Variants in IPO11 observed in about 807,000 individuals in gnomAD.
IPO11 encodes the protein importin 11, also known as importin-11.
IPO11 carries 66 observed loss-of-function variants against 143.2 expected under a neutral mutation model. The ratio of observed to expected loss-of-function variants is 0.46; its 90% confidence interval spans 0.38 to 0.57. The LOEUF (loss-of-function observed/expected upper bound fraction) is 0.57, where lower values mean the gene tolerates loss of function less well. Ranked by LOEUF, IPO11 falls within the 20% of genes least tolerant of loss-of-function variation. IPO11 has a pLI of 0.00. For missense variants in IPO11, 1,026 were observed against 1,141.0 expected, an observed-to-expected ratio of 0.90 and a Z score of 1.45; for synonymous variants, 385 against 377.8, an observed-to-expected ratio of 1.02 and a Z score of -0.22.
chr5:62,416,551 T>C (rs1743300528), intron 1 of IPO11, among the ~76,000 whole-genome samples: 2 of 152,080 alleles, frequency 1.3e-5, no homozygotes, highest in African/African-American at 2.4e-5. Flanking sequence ...CCTCATCTTA[T>C]CTTAATCACC....
chr5:62,583,920 A>C (rs1210196244), intron 27 of IPO11, among the ~76,000 whole-genome samples: 3 of 152,122 alleles, frequency 2.0e-5, no homozygotes, highest in Admixed American at 1.3e-4. Context: ...ATTTATTAAA[A>C]GTTCTTGATT....
intron 28 of IPO11, among the ~76,000 whole-genome samples, chr5:62,593,841 T>C (rs1745119983): frequency 6.6e-6 from 1 of 151,964 alleles, no homozygotes; most frequent in African/African-American, 2.4e-5. Flanking sequence ...TTTCAAAGAG[T>C]GGTTAGACTA....
chr5:62,591,819 G>C (rs1450903193), intron 28 of IPO11, 147 bp downstream of exon 28: 12 of 516,946 alleles, frequency 2.3e-5, no homozygotes, highest in Admixed American at 4.1e-5. Flanking sequence ...TATTTTGCTT[G>C]TAATATTTAT....
chr5:62,566,263 T>C (rs1743935693), intron 27 of IPO11, among the ~76,000 whole-genome samples: 1 of 152,196 alleles, frequency 6.6e-6, no homozygotes, highest in Admixed American at 6.5e-5. Context: ...AAAGCATTCC[T>C]ATTTATCCTC....
chr5:62,434,008 A>G (rs1744081499), intron 1 of IPO11, among the ~76,000 whole-genome samples: 6 of 152,042 alleles, frequency 3.9e-5, no homozygotes, highest in Admixed American at 3.9e-4. Context: ...GTCTATTTTT[A>G]TACCTATATG....
intron 29 of IPO11, among the ~76,000 whole-genome samples, chr5:62,606,480 T>TAAAAAAAAA (rs760722973): frequency 3.6e-5 from 2 of 56,106 alleles, no homozygotes; most frequent in African/African-American, 1.6e-4. Context: ...GACCCTGTCT[T>TAAAAAAAAA]AAAAAAAAAA....
intron 28 of IPO11, among the ~76,000 whole-genome samples, chr5:62,598,147 C>T (rs960973184): frequency 1.3e-5 from 2 of 152,080 alleles, no homozygotes; most frequent in Non-Finnish European, 2.9e-5. Flanking sequence ...AAACATTCTC[C>T]TGCTGAAAGT....
intron 2 of IPO11, 35 bp from the exon 3 acceptor site, chr5:62,442,948 C>T (rs1345827420): frequency 1.7e-6 from 2 of 1,175,078 alleles, no homozygotes; most frequent in Admixed American, 1.9e-5. Flanking sequence ...TTACTTATTC[C>T]ATGCTAATTC....
At chr5:62,459,022 A>G (rs543858995) in intron 5 of IPO11, among the ~76,000 whole-genome samples, 26 of 152,260 alleles carry the variant, frequency 1.7e-4, no homozygotes, top group Non-Finnish European at 3.1e-4. Context: ...ACTCTATGCA[A>G]TCACTTCACG....
At chr5:62,539,498 A>T (rs1221995018) in intron 24 of IPO11, among the ~76,000 whole-genome samples, 1 of 152,114 alleles carries the variant, frequency 6.6e-6, no homozygotes, top group East Asian at 1.9e-4. Context: ...TTTTTAGCTT[A>T]TTAGTTTCTT....
chr5:62,602,000 G>A (rs1199054762), intron 29 of IPO11, 152 bp downstream of exon 29: 1 of 476,174 alleles, frequency 2.1e-6, no homozygotes, highest in Non-Finnish European at 3.8e-6. Context: ...CCCTAAAACA[G>A]ATACATTTTA....
At position 62,627,312 on chromosome 5, in the gene IPO11, A is replaced by T; in HGVS notation, c.2922A>T (p.Gly974=). 6.2e-7 allele frequency: 1 copy of T among 1,612,860 alleles called. No individual in the cohort carries two copies. The highest frequency in any genetic ancestry group is 2.2e-5 in the East Asian group (1 of 44,856). Residue 974 remains glycine (G), a synonymous_variant, in exon 30 of 30, where the codon GGA becomes GGT. Transcript: ENST00000325324. ...IVTQLQEFLQ[G]F ...CCCAGCTACAGGAGTTTTTGCAAGG[A>T]TTCTAAGAGCACATGACATGTGGCT... is the stretch of plus-strand genomic sequence containing the variant.
At position 62,579,304 on chromosome 5, in the gene IPO11, A is replaced by G. The variant is rs1452043500; in HGVS notation, c.2583-12273A>G. ...TGATTTATGATAGTATTATTGGCTG[A>G]TCCTAATTAAAATAGAATACAGAAG... On this transcript the variant is annotated intron_variant, in intron 27 of 29. Coordinates refer to ENST00000325324, the MANE Select transcript of IPO11 (RefSeq NM_016338.5). 6 of 794,858 alleles carry G rather than the reference A, an allele frequency of 7.5e-6. No homozygotes were observed. In the African/African-American group the frequency reaches 1.0e-4, roughly 14 times the overall value. The allele number at this position is 794,858 out of a possible 1,614,324, so 49.2% of individuals were successfully genotyped here.
intron 27 of IPO11, among the ~76,000 whole-genome samples, chr5:62,578,005 A>G (rs1744384477): frequency 6.6e-6 from 1 of 152,126 alleles, no homozygotes; most frequent in Non-Finnish European, 1.5e-5. Flanking sequence ...GATTCTTTAA[A>G]TTCTTGAAAA....
rs561163210 is a variant in IPO11 at position 62,514,441 on chromosome 5, A to G, written c.1783-947A>G. ...CCCGTCCCCACCAAAAAAACACGAA[A>G]ACCAGTCAGGCGTGGCGGCGCACGC... On this transcript the variant is annotated intron_variant, in intron 19 of 29. Transcript: ENST00000325324. 2.6e-4 allele frequency among the ~76,000 whole-genome samples: 39 copies of G among 151,872 alleles called. 1 individual carries two copies. The highest frequency in any genetic ancestry group is 8.7e-4 in the African/African-American group (36 of 41,242).
chr5:62,613,021 A>G (rs1048635857), intron 29 of IPO11, among the ~76,000 whole-genome samples: 1 of 152,218 alleles, frequency 6.6e-6, no homozygotes, highest in Non-Finnish European at 1.5e-5. Flanking sequence ...GGAGTGGTTC[A>G]TGAGTCATCC....
chr5:62,526,509 A>G (rs1015256552), intron 21 of IPO11: 4 of 287,578 alleles, frequency 1.4e-5, no homozygotes, highest in Non-Finnish European at 2.6e-5. Context: ...GTCATGTAAT[A>G]TGGGGTCATG....
intron 22 of IPO11, among the ~76,000 whole-genome samples, chr5:62,535,594 C>G (rs1307500858): frequency 6.6e-6 from 1 of 151,874 alleles, no homozygotes; most frequent in African/African-American, 2.4e-5. Flanking sequence ...TTATCATTTC[C>G]TGTCCCCTTC....
chr5:62,563,191 T>C (rs1165797799), intron 27 of IPO11, among the ~76,000 whole-genome samples: 6 of 152,210 alleles, frequency 3.9e-5, no homozygotes, highest in Non-Finnish European at 8.8e-5. Flanking sequence ...TGTTTCTTTC[T>C]CTCATTGGGA....
Sources: gnomAD v4.1 joint callset for allele counts (sites outside exome capture counted in the v4.1 genomes callset) on GRCh38, gnomAD v4.1.1 for gene constraint, MANE v1.5 for transcripts, NCBI Gene and HGNC (gene_info 2026-07-23, HGNC 2026-07-21) for gene names.